EIF4A1: variants seen among roughly 807,000 people sequenced by gnomAD.
EIF4A1 encodes the protein eukaryotic translation initiation factor 4A1, also known as eukaryotic initiation factor 4A-I.
A neutral mutation model predicts 53.5 loss-of-function variants in EIF4A1; 11 were observed. That is an observed-to-expected ratio of 0.21 (90% CI 0.13 to 0.34). The LOEUF (loss-of-function observed/expected upper bound fraction) is 0.34, where lower values mean the gene tolerates loss of function less well. EIF4A1 is among the 10% of genes least tolerant of loss of function. EIF4A1 has a pLI of 1.00. For synonymous variants in EIF4A1, 237 were observed against 186.7 expected, an observed-to-expected ratio of 1.27 and a Z score of -2.20; for missense variants, 213 against 530.8, an observed-to-expected ratio of 0.40 and a Z score of 5.88.
At position 7,577,328 on chromosome 17, in the gene EIF4A1, C is replaced by G; in HGVS notation, c.625-16C>G. 1 of 1,613,714 alleles carries G rather than the reference C, an allele frequency of 6.2e-7. No homozygotes were observed. Among genetic ancestry groups the G allele is most frequent in the Non-Finnish European group, 8.5e-7 (1 of 1,179,874 alleles). On this transcript the variant is annotated splice_polypyrimidine_tract_variant and intron_variant, in intron 6 of 10. Coordinates refer to ENST00000293831, the MANE Select transcript of EIF4A1 (RefSeq NM_001416.4). This position sits in a 1 kb window ranked among gnomAD's most constrained non-coding sequence, Gnocchi z 4.7. ...GAAGGAACCAGCACTCTAAGACTGGCCTTTTTTTCCACTAGGTAGTTTTGC... is the reference window on the plus strand; with the variant it reads ...GAAGGAACCAGCACTCTAAGACTGGGCTTTTTTTCCACTAGGTAGTTTTGC...
chr17:7,577,264 TC>T lies in EIF4A1; in HGVS notation c.625-79del. 2 of 1,578,218 alleles carry T rather than the reference TC, an allele frequency of 1.3e-6. No individual in the cohort carries two copies. The highest frequency in any genetic ancestry group is 2.3e-5 in the South Asian group (2 of 85,126). Reference sequence around the variant, plus strand: ...TCTTGAGCCTTTTTATGCATCTGCTTCAGTTTTAGGTGTGGCTAGGGAAGGG... The same window carrying T: ...TCTTGAGCCTTTTTATGCATCTGCTTAGTTTTAGGTGTGGCTAGGGAAGGG... On this transcript the variant is annotated intron_variant, in intron 6 of 10. Coordinates refer to ENST00000293831, the MANE Select transcript of EIF4A1 (RefSeq NM_001416.4). The surrounding 1 kb of genome is among the most constrained non-coding windows in gnomAD (Gnocchi z 4.7).
intron 3 of EIF4A1, 187 bp from the exon 4 acceptor site, chr17:7,574,932 G>T: frequency 4.9e-6 from 5 of 1,017,858 alleles, no homozygotes; most frequent in Non-Finnish European, 7.6e-6. Context: ...TGCAATACTA[G>T]ATGAGTTAAT....
chr17:7,574,703 C>T (rs1273675632), intron 3 of EIF4A1, 25 bp downstream of exon 3: 1 of 1,611,928 alleles, frequency 6.2e-7, no homozygotes. Flanking sequence ...TCCCAGAAGA[C>T]ATTGTGGACT....
intron 9 of EIF4A1, 96 bp from the exon 10 acceptor site, chr17:7,578,069 G>A (rs1401613583): frequency 1.9e-6 from 3 of 1,586,060 alleles, no homozygotes; most frequent in South Asian, 1.1e-5. Context: ...TATTTCCTCT[G>A]CCTTCCTTGG....
chr17:7,573,471 A>G (rs1255952759), intron 1 of EIF4A1: 4 of 154,320 alleles, frequency 2.6e-5, no homozygotes, highest in African/African-American at 7.3e-5. Flanking sequence ...GGGCGGGTCC[A>G]TTTTGCCGCA....
intron 4 of EIF4A1, chr17:7,575,589 G>A (rs1207339775): frequency 2.4e-6 from 1 of 420,756 alleles, no homozygotes; most frequent in African/African-American, 2.0e-5. Flanking sequence ...CAGATGGACA[G>A]TCCTTTTCAC....
chr17:7,575,324 A>G (rs776922844), intron 4 of EIF4A1, 66 bp downstream of exon 4: 3 of 1,607,122 alleles, frequency 1.9e-6, no homozygotes, highest in East Asian at 4.5e-5. Flanking sequence ...TCCAAGGACC[A>G]GAGAAGTCTT....
At chr17:7,574,723 C>T (rs1260117787) in intron 3 of EIF4A1, 45 bp downstream of exon 3, 2 of 1,610,328 alleles carry the variant, frequency 1.2e-6, no homozygotes, top group Non-Finnish European at 1.7e-6. Context: ...TGTCCCTGAC[C>T]TGGGTAGAGT....
chr17:7,572,997 G>C, intron 1 of EIF4A1, 133 bp downstream of exon 1: 1 of 1,525,554 alleles, frequency 6.6e-7, no homozygotes, highest in Non-Finnish European at 9.1e-7. Context: ...GGTCCGACTT[G>C]GAGGGGCGAG....
chr17:7,573,777 G>A (rs2071360290), intron 1 of EIF4A1: 2 of 157,824 alleles, frequency 1.3e-5, no homozygotes, highest in Admixed American at 1.3e-4. Flanking sequence ...CCACATCCGG[G>A]CAACGCGAGG....
At chr17:7,576,753 T>G in intron 5 of EIF4A1, 61 bp downstream of exon 5, 1 of 1,563,912 alleles carries the variant, frequency 6.4e-7, no homozygotes, top group Non-Finnish European at 8.7e-7. Flanking sequence ...CTTTCCAGTC[T>G]TTCAGCGTAA....
chr17:7,573,251 C>A, intron 1 of EIF4A1: 1 of 365,234 alleles, frequency 2.7e-6, no homozygotes, highest in Non-Finnish European at 5.1e-6. Flanking sequence ...GGGGGAGGGA[C>A]GGCGCGCGGG....
chr17:7,574,829 T>G (rs760619703), intron 3 of EIF4A1, 151 bp downstream of exon 3: 1 of 1,330,498 alleles, frequency 7.5e-7, no homozygotes, highest in Non-Finnish European at 1.1e-6. Context: ...CATGCCTGGT[T>G]CATGCCTTGG....
At chr17:7,574,931 A>G (rs2071381041) in intron 3 of EIF4A1, 188 bp from the exon 4 acceptor site, 9 of 1,010,448 alleles carry the variant, frequency 8.9e-6, no homozygotes, top group Non-Finnish European at 1.4e-5. Flanking sequence ...GTGCAATACT[A>G]GATGAGTTAA....
rs376209593 is a variant in EIF4A1 at position 7,578,541 on chromosome 17, G to A, written c.*55G>A. On this transcript the variant is annotated 3_prime_UTR_variant, in exon 11 of 11. Transcript: ENST00000293831. ...GGGCTCAATCTCTGGGGGCTGAGGA[G>A]CAGCAGGAGGGGGGAGGGAAGGGAG... is the stretch of plus-strand genomic sequence containing the variant. 3.2e-4 allele frequency: 473 copies of A among 1,498,540 alleles called. 7 individuals are homozygous for A. In the East Asian group the frequency reaches 0.01, roughly 33 times the overall value. 92.8% of individuals were successfully genotyped at this position (1,498,540 alleles called of 1,614,324 possible). A position where few individuals can be genotyped will look rare whatever the true frequency, so the allele number is the denominator to read the frequency against.
rs377491298 is a variant in EIF4A1 at position 7,572,838 on chromosome 17, G to A, written c.-4G>A. On this transcript the variant is annotated 5_prime_UTR_variant, in exon 1 of 11. Coordinates refer to ENST00000293831, the MANE Select transcript of EIF4A1 (RefSeq NM_001416.4). ...CGGGCACTCCGCCCTAGTTTCTAAG[G>A]ATCATGTCTGCGAGCCAGGATTCCC... The A allele has an allele frequency of 3.1e-5, 50 of 1,614,052 alleles. No homozygotes were observed. The highest frequency in any genetic ancestry group is 1.7e-4 in the Admixed American group (10 of 60,000).
chr17:7,578,568 C>G lies in EIF4A1; in HGVS notation c.*82C>G. On this transcript the variant is annotated 3_prime_UTR_variant, in exon 11 of 11. Coordinates refer to ENST00000293831, the MANE Select transcript of EIF4A1 (RefSeq NM_001416.4). ...AGCAGGAGGGGGGAGGGAAGGGAGC[C>G]AAGGGATGGACATCTTGTCATTTTT... 1 of 1,428,528 alleles carries G rather than the reference C, an allele frequency of 7.0e-7. No homozygotes were observed. The highest frequency in any genetic ancestry group is 1.6e-5 in the South Asian group (1 of 63,782). The allele number at this position is 1,428,528 out of a possible 1,614,324, so 88.5% of individuals were successfully genotyped here.
chr17:7,577,273 G>C lies in EIF4A1; in HGVS notation c.625-71G>C, dbSNP rs567749350. The C allele has an allele frequency of 6.9e-6, 11 of 1,589,112 alleles. No individual in the cohort carries two copies. In the East Asian group the frequency reaches 2.2e-4, roughly 32 times the overall value. Reference sequence around the variant, plus strand: ...TTTTTATGCATCTGCTTCAGTTTTAGGTGTGGCTAGGGAAGGGAGCAGGCC... The same window carrying C: ...TTTTTATGCATCTGCTTCAGTTTTACGTGTGGCTAGGGAAGGGAGCAGGCC... On this transcript the variant is annotated intron_variant, in intron 6 of 10. Coordinates refer to ENST00000293831, the MANE Select transcript of EIF4A1 (RefSeq NM_001416.4). The surrounding 1 kb of genome is among the most constrained non-coding windows in gnomAD (Gnocchi z 4.7).
At chr17:7,574,380 T>C (rs2071371676) in intron 2 of EIF4A1, 72 bp downstream of exon 2, 3 of 1,610,722 alleles carry the variant, frequency 1.9e-6, no homozygotes, top group South Asian at 2.2e-5. Flanking sequence ...GAGTGGCCTC[T>C]TGATTGATTT....
Sources: gnomAD v4.1 joint callset for allele counts on GRCh38, gnomAD v4.1.1 for gene constraint, Gnocchi (gnomAD v3.1) non-coding constraint, MANE v1.5 for transcripts, NCBI Gene and HGNC (gene_info 2026-07-23, HGNC 2026-07-21) for gene names.